The following EPM2A variants were observed in gnomAD, a reference collection of about 807,000 sequenced individuals.
EPM2A encodes laforin.
A neutral mutation model predicts 26.5 loss-of-function variants in EPM2A; 21 were observed. The ratio of observed to expected loss-of-function variants is 0.79; its 90% CI spans 0.56 to 1.14. EPM2A has a LOEUF of 1.14. Ranked by LOEUF, EPM2A falls within the 50% of genes most tolerant of loss-of-function variation. The pLI, the probability that EPM2A is intolerant of heterozygous loss-of-function variation, is 0.00. For missense variants in EPM2A, 458 were observed against 440.8 expected, an observed-to-expected ratio of 1.04 and a Z score of -0.35; for synonymous variants, 217 against 177.6, an observed-to-expected ratio of 1.22 and a Z score of -1.76.
At chr6:145,529,260 A>C (rs1395026789) in intron 2 of EPM2A, among the ~76,000 whole-genome samples, 2 of 152,200 alleles carry the variant, frequency 1.3e-5, no homozygotes, top group African/African-American at 4.8e-5. Flanking sequence ...ATTAGCTCCA[A>C]TTTTGAAAGA....
At chr6:145,467,757 G>A (rs1163280500) in intron 4 of EPM2A, among the ~76,000 whole-genome samples, 1 of 152,018 alleles carries the variant, frequency 6.6e-6, no homozygotes, top group Non-Finnish European at 1.5e-5. Flanking sequence ...TATTTAGGCT[G>A]ATTTATATAT....
chr6:145,410,286 G>A (rs1309823901), intron 4 of EPM2A, among the ~76,000 whole-genome samples: 1 of 152,116 alleles, frequency 6.6e-6, no homozygotes, highest in Non-Finnish European at 1.5e-5. Context: ...GGGAACATGA[G>A]TTTTCCTGGA....
At chr6:145,500,041 C>T (rs529853876), downstream of EPM2A, among the ~76,000 whole-genome samples, 3 of 151,968 alleles carry the variant, frequency 2.0e-5, no homozygotes, top group Middle Eastern at 3.4e-3. Context: ...CATTTGAACT[C>T]AGAAAAATTA....
At chr6:145,513,900 G>C (rs548331617) in intron 2 of EPM2A, among the ~76,000 whole-genome samples, 61 of 152,248 alleles carry the variant, frequency 4.0e-4, no homozygotes, top group Non-Finnish European at 6.9e-4. Flanking sequence ...CCTAACAAAA[G>C]TTTATTTCTG....
chr6:145,723,349 C>T (rs775434934), intron 1 of EPM2A, among the ~76,000 whole-genome samples: 1 of 151,886 alleles, frequency 6.6e-6, no homozygotes, highest in Non-Finnish European at 1.5e-5. Context: ...TAAGGATTTT[C>T]AGCATGAAGG....
intron 1 of EPM2A, among the ~76,000 whole-genome samples, chr6:145,709,835 A>G (rs940448633): frequency 2.6e-5 from 4 of 152,118 alleles, no homozygotes; most frequent in Non-Finnish European, 4.4e-5. Flanking sequence ...ACTCAAAAAG[A>G]TTGTGGGATT....
intron 1 of EPM2A, among the ~76,000 whole-genome samples, chr6:145,709,837 T>A (rs1392060683): frequency 6.6e-6 from 1 of 151,886 alleles, no homozygotes; most frequent in East Asian, 1.9e-4. Flanking sequence ...TCAAAAAGAT[T>A]GTGGGATTGA....
chr6:145,664,770 T>A (rs1235507635), intron 2 of EPM2A, among the ~76,000 whole-genome samples: 1 of 151,170 alleles, frequency 6.6e-6, no homozygotes, highest in Non-Finnish European at 1.5e-5. Context: ...GAAGTAAAGC[T>A]CTCCTCAGCA....
chr6:145,694,588 G>C (rs2128620785), intron 1 of EPM2A, among the ~76,000 whole-genome samples: 1 of 152,102 alleles, frequency 6.6e-6, no homozygotes, highest in East Asian at 1.9e-4. Flanking sequence ...GATGAAGTAA[G>C]AGGTGTTAAG....
At chr6:145,628,675 C>T (rs762294976) in intron 3 of EPM2A, 2 of 152,324 alleles carry the variant, frequency 1.3e-5, no homozygotes, top group Non-Finnish European at 1.5e-5. Flanking sequence ...CACAGTGGCC[C>T]GAAAGGATCC....
At chr6:145,469,196 A>G (rs549144254) in intron 4 of EPM2A, among the ~76,000 whole-genome samples, 15 of 152,198 alleles carry the variant, frequency 9.9e-5, no homozygotes, top group Non-Finnish European at 2.2e-4. Flanking sequence ...AGGAACTATC[A>G]AACACTTATA....
chr6:145,520,990 G>A (rs1780195285), intron 2 of EPM2A, among the ~76,000 whole-genome samples: 1 of 152,232 alleles, frequency 6.6e-6, no homozygotes, highest in Admixed American at 6.5e-5. Flanking sequence ...ATTCCAGCTT[G>A]TGTGTTGATG....
In EPM2A at chr6:145,503,198, T is replaced by C. The variant is rs1779919700; in HGVS notation, c.341-623A>G. 3.9e-5 allele frequency among the ~76,000 whole-genome samples: 6 copies of C among 152,320 alleles called. No individual in the cohort carries two copies. In the South Asian group the frequency reaches 1.2e-3, roughly 32 times the overall value. ...AGAGGGCTCTTTTCAGGTCTATTTA[T>C]TATTGACTTTAAAAATTTTTTATTG... On this transcript the variant is annotated intron_variant, in intron 2 of 3. Transcript: ENST00000450221.
At chr6:145,407,965 G>T (rs1323672818) in intron 4 of EPM2A, among the ~76,000 whole-genome samples, 2 of 152,090 alleles carry the variant, frequency 1.3e-5, no homozygotes, top group Non-Finnish European at 2.9e-5. Context: ...AGATAGTTAT[G>T]CATTTAATAT....
At chr6:145,633,084 CT>C (rs1455591461) in intron 3 of EPM2A, among the ~76,000 whole-genome samples, 2 of 152,198 alleles carry the variant, frequency 1.3e-5, no homozygotes, top group African/African-American at 4.8e-5. Context: ...ACAGTTTTCC[CT>C]CAGGCTTCTG....
intron 2 of EPM2A, among the ~76,000 whole-genome samples, chr6:145,561,153 C>CT (rs11326955): frequency 0.025 from 3,510 of 141,714 alleles, 70 homozygotes; most frequent in East Asian, 0.087. Context: ...TCTTTTATAC[C>CT]TTTTTTTTTT....
At chr6:145,574,792 C>A (rs191141013) in intron 2 of EPM2A, among the ~76,000 whole-genome samples, 293 of 152,328 alleles carry the variant, frequency 1.9e-3, no homozygotes, top group African/African-American at 6.4e-3. Flanking sequence ...CCTTGAGCTG[C>A]AACATTAAAT....
rs1014840416 is a variant in EPM2A at position 145,627,638 on chromosome 6, C to T, written c.774G>A (p.Lys258=). 1.9e-6 allele frequency: 3 copies of T among 1,614,098 alleles called. No homozygotes were observed. The Admixed American group carries it at 5.0e-5, about 27-fold the overall frequency. The change falls in exon 4 of 4, where the codon AAG becomes AAA. Residue 258 remains lysine (K), a synonymous_variant. Transcript: ENST00000367519. ...TGCAGTGCACGTACACGATGTGTCCCTTCTCCAGCAGCGCATGCAGCAGGC... is the reference window on the plus strand; with the variant it reads ...TGCAGTGCACGTACACGATGTGTCCTTTCTCCAGCAGCGCATGCAGCAGGC... ...AVCLLHALLE[K]GHIVYVHCNA...
intron 4 of EPM2A, among the ~76,000 whole-genome samples, chr6:145,474,097 A>G (rs1052436553): frequency 6.6e-6 from 1 of 152,230 alleles, no homozygotes; most frequent in Non-Finnish European, 1.5e-5. Flanking sequence ...ATAAAAAATC[A>G]TAAGTACAAC....
Sources: allele counts gnomAD v4.1 joint callset (sites outside exome capture counted in the v4.1 genomes callset), GRCh38; gene constraint gnomAD v4.1.1; transcripts MANE v1.5; gene names NCBI Gene and HGNC (gene_info 2026-07-23, HGNC 2026-07-21).